Variants in PCDH15 observed in about 807,000 individuals in gnomAD.
PCDH15 encodes the protein protocadherin-15.
A neutral mutation model predicts 178.5 loss-of-function variants in PCDH15; 129 were observed. The observed-to-expected ratio is 0.72, with a 90% CI of 0.63 to 0.84. The LOEUF (loss-of-function observed/expected upper bound fraction) is 0.84. PCDH15 is among the 40% of genes least tolerant of loss of function. The pLI, the probability that PCDH15 is intolerant of heterozygous loss-of-function variation, is 0.00. For synonymous variants in PCDH15, 800 were observed against 732.0 expected (o/e 1.09, Z -1.50); for missense variants, 2,230 against 2,099.9 (o/e 1.06, Z -1.21).
chr10:55,130,296 C>T (rs558753516), intron 2 of PCDH15, among the ~76,000 whole-genome samples: 3 of 152,130 alleles, frequency 2.0e-5, no homozygotes, highest in South Asian at 4.2e-4. Context: ...GCTAGTCATG[C>T]TTGTATCTGG....
chr10:54,295,940 C>T (rs1267612613), intron 8 of PCDH15, among the ~76,000 whole-genome samples: 3 of 150,744 alleles, frequency 2.0e-5, no homozygotes, highest in South Asian at 2.1e-4. Context: ...GTCAGGAGAT[C>T]GAGACCATCC....
At chr10:54,420,770 A>G (rs1955160207) in intron 3 of PCDH15, among the ~76,000 whole-genome samples, 1 of 152,088 alleles carries the variant, frequency 6.6e-6, no homozygotes, top group Non-Finnish European at 1.5e-5. Flanking sequence ...AAAAGGAAAT[A>G]CTGAGAATAG....
In PCDH15 at chr10:53,823,069, A is replaced by AAAATGGGTCTACAAAATC. The variant is rs1554820809; in HGVS notation, c.4368-2857_4368-2840dup. On this transcript the variant is annotated intron_variant, in intron 32 of 37. Coordinates refer to ENST00000644397, the MANE Select transcript of PCDH15 (RefSeq NM_001384140.1). ...TTACTCTTGGCTTGTATTTTGGGTGAAAATGGGTCTACAAAATCTGTTCTC... is the reference window on the plus strand; with the variant it reads ...TTACTCTTGGCTTGTATTTTGGGTGAAAATGGGTCTACAAAATCAAATGGGTCTACAAAATCTGTTCTC... The AAAATGGGTCTACAAAATC allele has an allele frequency of 6.2e-7, 1 of 1,613,986 alleles. No individual in the cohort carries two copies. The highest frequency in any genetic ancestry group is 1.6e-4 in the Middle Eastern group (1 of 6,062).
chr10:54,062,248 A>AAAAAAAAAAAAAAAAAAAAC (rs2094039380), intron 18 of PCDH15, among the ~76,000 whole-genome samples: 1 of 119,928 alleles, frequency 8.3e-6, no homozygotes, highest in African/African-American at 3.8e-5. Flanking sequence ...AAAAAAAAAA[A>AAAAAAAAAAAAAAAAAAAAC]AAAACAAAAA....
chr10:54,551,287 A>C (rs1327520563), intron 2 of PCDH15, among the ~76,000 whole-genome samples: 1 of 152,042 alleles, frequency 6.6e-6, no homozygotes, highest in Non-Finnish European at 1.5e-5. Flanking sequence ...ATTTGCATTC[A>C]TATTGAATCA....
In PCDH15 at chr10:54,636,062, T is replaced by C. The variant is rs115427207; in HGVS notation, c.91+28110A>G. Among the ~76,000 whole-genome samples, 1,045 of 152,044 alleles carry C rather than the reference T, an allele frequency of 6.9e-3. 10 individuals are homozygous for C. The highest frequency in any genetic ancestry group is 0.024 in the African/African-American group (1,008 of 41,546). On this transcript the variant is annotated intron_variant, in intron 2 of 37. Coordinates refer to ENST00000644397, the MANE Select transcript of PCDH15 (RefSeq NM_001384140.1). ...CAAAAAAGTAAGTAACGTTAATAAT[T>C]GACATGAAGTCATTAATCCAGTAAT...
intron 2 of PCDH15, among the ~76,000 whole-genome samples, chr10:55,062,714 A>C (rs1232813593): frequency 2.6e-5 from 4 of 152,190 alleles, no homozygotes; most frequent in Admixed American, 2.6e-4. Context: ...ACTGAGAATG[A>C]ACCCTAAGGT....
chr10:54,176,608 T>C (rs1281804089), intron 13 of PCDH15, among the ~76,000 whole-genome samples: 2 of 152,152 alleles, frequency 1.3e-5, no homozygotes, highest in Admixed American at 6.5e-5. Flanking sequence ...GAGTATTACA[T>C]AGATGTCCTT....
At chr10:55,267,475 G>T (rs1391860450) in intron 1 of PCDH15, among the ~76,000 whole-genome samples, 1 of 152,112 alleles carries the variant, frequency 6.6e-6, no homozygotes, top group Non-Finnish European at 1.5e-5. Flanking sequence ...GCCAAACTAG[G>T]ATTATAAAAA....
chr10:54,100,720 T>C (rs1590421668), intron 15 of PCDH15, among the ~76,000 whole-genome samples: 1 of 152,202 alleles, frequency 6.6e-6, no homozygotes, highest in East Asian at 1.9e-4. Context: ...ACTACAACTC[T>C]GTTATCAATA....
intron 5 of PCDH15, among the ~76,000 whole-genome samples, chr10:54,354,131 A>G (rs1267352564): frequency 6.6e-6 from 1 of 152,132 alleles, no homozygotes; most frequent in Non-Finnish European, 1.5e-5. Flanking sequence ...GATTACAGGC[A>G]TGCGCCACCA....
chr10:53,810,924 T>G (rs2075842521), intron 36 of PCDH15, among the ~76,000 whole-genome samples: 1 of 152,152 alleles, frequency 6.6e-6, no homozygotes, highest in Non-Finnish European at 1.5e-5. Context: ...TTGGAGAAAC[T>G]AGAACGAGAA....
At chr10:55,571,254 G>C (rs976710976) in intron 2 of PCDH15, among the ~76,000 whole-genome samples, 1 of 152,020 alleles carries the variant, frequency 6.6e-6, no homozygotes, top group Non-Finnish European at 1.5e-5. Context: ...GAAGTTTCCT[G>C]AGGCCTCACC....
chr10:55,319,869 C>T (rs536356507), upstream of PCDH15, among the ~76,000 whole-genome samples: 9 of 152,074 alleles, frequency 5.9e-5, no homozygotes, highest in Non-Finnish European at 1.2e-4. Flanking sequence ...CCAGTGACAC[C>T]CATCTCCCAG....
chr10:55,438,901 T>C (rs1839111314), intron 2 of PCDH15, among the ~76,000 whole-genome samples: 1 of 150,836 alleles, frequency 6.6e-6, no homozygotes, highest in Non-Finnish European at 1.5e-5. Context: ...TTTTATTATA[T>C]TTATTTATTT....
In PCDH15 at chr10:55,063,860, G is replaced by A. The variant is rs536857116; in HGVS notation, c.-80+102716C>T. On this transcript the variant is annotated intron_variant, in intron 2 of 5. Coordinates refer to the PCDH15 transcript ENST00000458638. ...TTCTGGGACTCCAAAGTTATCAGAA[G>A]GTAAACAAACAACTAGTAGAAAGTA... 5.9e-5 allele frequency among the ~76,000 whole-genome samples: 9 copies of A among 152,188 alleles called. No homozygotes were observed. In the South Asian group the frequency reaches 1.7e-3, roughly 28 times the overall value.
chr10:55,498,015 G>A (rs1231793351), intron 2 of PCDH15, among the ~76,000 whole-genome samples: 1 of 151,792 alleles, frequency 6.6e-6, no homozygotes, highest in Non-Finnish European at 1.5e-5. Context: ...CTACTCTTAA[G>A]TGCAGCTTCA....
chr10:55,146,294 A>G (rs1838508848), intron 2 of PCDH15, among the ~76,000 whole-genome samples: 1 of 151,928 alleles, frequency 6.6e-6, no homozygotes, highest in African/African-American at 2.4e-5. Context: ...TTTTGACTGA[A>G]AGATATGAGC....
intron 20 of PCDH15, among the ~76,000 whole-genome samples, chr10:54,011,183 C>A (rs1272509023): frequency 6.6e-6 from 1 of 152,172 alleles, no homozygotes; most frequent in Non-Finnish European, 1.5e-5. Context: ...CCAGGGACAA[C>A]CGAAAGCCCC....
Sources: allele counts gnomAD v4.1 joint callset (sites outside exome capture counted in the v4.1 genomes callset), GRCh38; gene constraint gnomAD v4.1.1; transcripts MANE v1.5; gene names NCBI Gene and HGNC (gene_info 2026-07-23, HGNC 2026-07-21).